Variants in ADGRL3 observed in about 807,000 individuals in gnomAD.
ADGRL3 encodes the protein adhesion G protein-coupled receptor L3.
In ADGRL3, 62 loss-of-function variants were observed where a neutral mutation model predicts 153.5. The ratio of observed to expected loss-of-function variants is 0.40; its 90% CI spans 0.33 to 0.50. ADGRL3 has a LOEUF of 0.50. Ranked by LOEUF, ADGRL3 falls within the 20% of genes least tolerant of loss-of-function variation. The pLI, the probability that ADGRL3 is intolerant of heterozygous loss-of-function variation, is 0.47. For synonymous variants in ADGRL3, 710 were observed against 672.5 expected (o/e 1.06, Z -0.86); for missense variants, 1,641 against 1,859.4 (o/e 0.88, Z 2.16).
intron 1 of ADGRL3, among the ~76,000 whole-genome samples, chr4:61,325,016 T>C (rs2095436895): frequency 6.6e-6 from 1 of 152,164 alleles, no homozygotes; most frequent in South Asian, 2.1e-4. Context: ...AGTGCATTGC[T>C]TAAAAATAGC....
chr4:61,956,892 C>T (rs763310399), intron 17 of ADGRL3, among the ~76,000 whole-genome samples: 11 of 152,002 alleles, frequency 7.2e-5, no homozygotes, highest in Non-Finnish European at 1.5e-4. Context: ...TTCCATTGGT[C>T]TATATGTTTG....
chr4:61,264,733 C>A (rs1390892570), intron 1 of ADGRL3, among the ~76,000 whole-genome samples: 1 of 151,948 alleles, frequency 6.6e-6, no homozygotes, highest in Non-Finnish European at 1.5e-5. Flanking sequence ...TATACTTGAC[C>A]TATGGCAAAT....
intron 3 of ADGRL3, among the ~76,000 whole-genome samples, chr4:61,503,254 T>C (rs951502022): frequency 1.3e-5 from 2 of 152,152 alleles, no homozygotes; most frequent in Non-Finnish European, 2.9e-5. Context: ...GTGTTACGTA[T>C]GAATTTAATT....
At chr4:61,897,294 T>C (rs975423676) in intron 11 of ADGRL3, among the ~76,000 whole-genome samples, 1 of 152,232 alleles carries the variant, frequency 6.6e-6, no homozygotes, top group East Asian at 1.9e-4. Flanking sequence ...GATTGGAACT[T>C]ATTAAAAAAA....
At chr4:61,338,928 T>C (rs1049564628) in intron 1 of ADGRL3, among the ~76,000 whole-genome samples, 1 of 152,202 alleles carries the variant, frequency 6.6e-6, no homozygotes, top group South Asian at 2.1e-4. Context: ...AGTAATGACA[T>C]TTCCACGTGT....
At chr4:61,973,687 TTTTG>T (rs1395390240) in intron 17 of ADGRL3, among the ~76,000 whole-genome samples, 1 of 152,046 alleles carries the variant, frequency 6.6e-6, no homozygotes, top group African/African-American at 2.4e-5. Context: ...GTCTTTGATA[TTTTG>T]TTTATTTTTT....
intron 8 of ADGRL3, among the ~76,000 whole-genome samples, chr4:61,778,084 A>T (rs954590584): frequency 6.6e-6 from 1 of 152,202 alleles, no homozygotes; most frequent in Admixed American, 6.5e-5. Context: ...CATGTGATAG[A>T]TTGTGGTCAA....
At chr4:61,537,783 A>C (rs1257436267) in intron 4 of ADGRL3, among the ~76,000 whole-genome samples, 3 of 152,182 alleles carry the variant, frequency 2.0e-5, no homozygotes, top group African/African-American at 7.2e-5. Flanking sequence ...GCTTCGATTA[A>C]GATCAAGTAT....
intron 1 of ADGRL3, among the ~76,000 whole-genome samples, chr4:61,331,690 A>G (rs903029214): frequency 6.6e-6 from 1 of 152,142 alleles, no homozygotes; most frequent in African/African-American, 2.4e-5. Flanking sequence ...GTACTATAGA[A>G]TTTTGGATTT....
intron 2 of ADGRL3, among the ~76,000 whole-genome samples, chr4:61,432,438 T>C (rs2097366350): frequency 6.6e-6 from 1 of 152,130 alleles, no homozygotes; most frequent in Non-Finnish European, 1.5e-5. Context: ...TAAATCAGTA[T>C]TGCAAGTACT....
chr4:61,909,411 T>C (rs2098711492), intron 11 of ADGRL3, 149 bp from the exon 12 acceptor site: 6 of 563,242 alleles, frequency 1.1e-5, no homozygotes, highest in East Asian at 3.1e-5. Context: ...GCAGGAAAAA[T>C]TGGGGAGTGT....
chr4:61,821,329 TTTTA>T (rs34109310), intron 9 of ADGRL3, among the ~76,000 whole-genome samples: 73,890 of 149,758 alleles, frequency 0.49, 18,941 homozygotes, highest in African/African-American at 0.62. Context: ...GTGAACTACT[TTTTA>T]TTTATTTATT....
chr4:61,444,920 G>T (rs559455425), intron 2 of ADGRL3, among the ~76,000 whole-genome samples: 3 of 152,024 alleles, frequency 2.0e-5, no homozygotes, highest in Non-Finnish European at 4.4e-5. Flanking sequence ...AGGTGTAGTG[G>T]TGTACGCCTG....
chr4:61,784,042 G>A (rs2097248309), intron 8 of ADGRL3, among the ~76,000 whole-genome samples: 1 of 152,028 alleles, frequency 6.6e-6, no homozygotes, highest in African/African-American at 2.4e-5. Context: ...AAAGTAATAT[G>A]TTTATTAATC....
chr4:61,514,524 CA>C (rs2098481243), intron 3 of ADGRL3, among the ~76,000 whole-genome samples: 2 of 152,106 alleles, frequency 1.3e-5, no homozygotes, highest in South Asian at 4.1e-4. Flanking sequence ...TTTTTTAAAG[CA>C]AAAGTTGACA....
At chr4:61,883,664 T>C (rs1166292554) in intron 9 of ADGRL3, among the ~76,000 whole-genome samples, 2 of 152,208 alleles carry the variant, frequency 1.3e-5, no homozygotes, top group African/African-American at 4.8e-5. Flanking sequence ...CTACAGTTTT[T>C]CATTAATTCT....
intron 5 of ADGRL3, among the ~76,000 whole-genome samples, chr4:61,622,225 G>A (rs2092565290): frequency 6.6e-6 from 1 of 151,980 alleles, no homozygotes. Flanking sequence ...AAAATATTCT[G>A]TAAAGCTTCT....
At chr4:61,703,592 C>A (rs1290631664) in intron 6 of ADGRL3, among the ~76,000 whole-genome samples, 1 of 150,288 alleles carries the variant, frequency 6.7e-6, no homozygotes, top group Non-Finnish European at 1.5e-5. Context: ...AGTATTAGAA[C>A]AATAGGATAA....
At chr4:61,377,431 CTG>C (rs1223411435) in intron 1 of ADGRL3, among the ~76,000 whole-genome samples, 1 of 151,906 alleles carries the variant, frequency 6.6e-6, no homozygotes, top group Non-Finnish European at 1.5e-5. Context: ...TAATAATAAC[CTG>C]TGAGTTTCCT....
Sources: allele counts gnomAD v4.1 joint callset (sites outside exome capture counted in the v4.1 genomes callset), GRCh38; gene constraint gnomAD v4.1.1; transcripts MANE v1.5; gene names NCBI Gene and HGNC (gene_info 2026-07-23, HGNC 2026-07-21).